ZNF138: variants seen among roughly 807,000 people sequenced by gnomAD.
ZNF138 encodes the protein zinc finger protein 138, also known as zinc finger protein 138 (clone pHZ-32).
A neutral mutation model predicts 33.0 loss-of-function variants in ZNF138; 33 were observed. The ratio of observed to expected loss-of-function variants is 1.00; its 90% CI spans 0.76 to 1.34. The LOEUF is 1.34. Among genes scored for constraint, ZNF138 ranks in the 40% most tolerant of loss-of-function variants. ZNF138 has a pLI of 0.00. For synonymous variants in ZNF138, 139 were observed against 120.4 expected (o/e 1.15, Z -1.01); for missense variants, 360 against 370.8 (o/e 0.97, Z 0.24).
the ZNF138 span, among the ~76,000 whole-genome samples, chr7:64,860,531 A>G: frequency 1.3e-5 from 2 of 152,254 alleles, no homozygotes; most frequent in Non-Finnish European, 2.9e-5. Context: ...CAATAATGAT[A>G]TGAACATAAA....
intron 1 of ZNF138, among the ~76,000 whole-genome samples, chr7:64,804,366 T>G (rs573959777): frequency 6.6e-6 from 1 of 152,154 alleles, no homozygotes; most frequent in Admixed American, 6.5e-5. Flanking sequence ...GATCACAGCC[T>G]TCTCATGTGG....
At chr7:64,852,517 C>G in the ZNF138 span, 1 of 1,573,746 alleles carries the variant, frequency 6.4e-7, no homozygotes, top group African/African-American at 1.4e-5. Context: ...TCCCAATAAT[C>G]CATGCTTGGT....
At position 64,815,493 on chromosome 7, in the gene ZNF138, T is replaced by C. The variant is rs561968116; in HGVS notation, c.131-83T>C. Reference sequence around the variant, plus strand: ...TATTACATTCTCTTTACTGAGCACATTACTAGGTTGGTAATTGGAGAATAT... The same window carrying C: ...TATTACATTCTCTTTACTGAGCACACTACTAGGTTGGTAATTGGAGAATAT... On this transcript the variant is annotated intron_variant, in intron 2 of 3. Coordinates refer to ENST00000307355, the MANE Select transcript of ZNF138 (RefSeq NM_001271639.2). 90 of 1,238,116 alleles carry C rather than the reference T, an allele frequency of 7.3e-5. 1 individual carries two copies. The African/African-American group carries it at 1.2e-3, about 16-fold the overall frequency. The allele number at this position is 1,238,116 out of a possible 1,614,324, so 76.7% of individuals were successfully genotyped here.
At chr7:64,827,247 G>A (rs1415751838) in intron 3 of ZNF138, among the ~76,000 whole-genome samples, 1 of 106,842 alleles carries the variant, frequency 9.4e-6, no homozygotes, top group Non-Finnish European at 1.8e-5. Context: ...TGGCCACCAT[G>A]AAACTTTTTT....
intron 3 of ZNF138, 33 bp from the exon 4 acceptor site, chr7:64,831,418 G>T: frequency 2.0e-6 from 3 of 1,484,052 alleles, no homozygotes; most frequent in Non-Finnish European, 2.7e-6. Flanking sequence ...AGTCTAGCAG[G>T]TGGAGTAATT....
intron 1 of ZNF138, among the ~76,000 whole-genome samples, chr7:64,798,848 A>T (rs1221210037): frequency 6.8e-6 from 1 of 147,446 alleles, no homozygotes; most frequent in Admixed American, 6.8e-5. Context: ...AGATGGTCAG[A>T]TGGTTGTAGA....
At chr7:64,798,439 T>G (rs1288384644) in intron 1 of ZNF138, among the ~76,000 whole-genome samples, 3 of 152,178 alleles carry the variant, frequency 2.0e-5, no homozygotes, top group Admixed American at 2.0e-4. Context: ...TTTTTTTAAA[T>G]ACAAAAAAGA....
At chr7:64,813,226 G>A (rs994046110) in intron 1 of ZNF138, among the ~76,000 whole-genome samples, 2 of 152,052 alleles carry the variant, frequency 1.3e-5, no homozygotes, top group Non-Finnish European at 2.9e-5. Flanking sequence ...ATGTAATCTT[G>A]AAGTTTCATC....
chr7:64,849,462 A>G, the ZNF138 span, among the ~76,000 whole-genome samples: 66,350 of 150,904 alleles, frequency 0.44, 14,737 homozygotes, highest in East Asian at 0.64. Context: ...CAGCTGTGGT[A>G]GTATAGGGAG....
At chr7:64,813,685 C>T (rs1053682283) in intron 1 of ZNF138, among the ~76,000 whole-genome samples, 4 of 152,198 alleles carry the variant, frequency 2.6e-5, no homozygotes, top group East Asian at 1.9e-4. Flanking sequence ...CCGCCTGCCT[C>T]GGCCTCCCAA....
chr7:64,830,204 G>A (rs1583896805), intron 3 of ZNF138, among the ~76,000 whole-genome samples: 1 of 152,100 alleles, frequency 6.6e-6, no homozygotes, highest in East Asian at 1.9e-4. Flanking sequence ...TCTTGTCTGT[G>A]ACTTTTTAAA....
At chr7:64,836,521 T>C (rs768935068), downstream of ZNF138, 1 of 147,922 alleles carries the variant, frequency 6.8e-6, no homozygotes, top group Non-Finnish European at 1.5e-5. Flanking sequence ...TCTGTGCTCA[T>C]ATAGTCCTCC....
chr7:64,811,307 TTAA>T lies in ZNF138; in HGVS notation c.4-3606_4-3604del, dbSNP rs536591432. Reference sequence around the variant, plus strand: ...AGTCCCTTCAGCACATAGTACCTGCTTAATAATCATTGCATTAGTACATGTGAA... The same window carrying T: ...AGTCCCTTCAGCACATAGTACCTGCTTAATCATTGCATTAGTACATGTGAA... On this transcript the variant is annotated intron_variant, in intron 1 of 3. Coordinates refer to ENST00000307355, the MANE Select transcript of ZNF138 (RefSeq NM_001271639.2). Among the ~76,000 whole-genome samples the T allele has an allele frequency of 9.9e-4, 151 of 152,346 alleles. 1 individual carries two copies. The highest frequency in any genetic ancestry group is 3.5e-3 in the African/African-American group (145 of 41,588).
intron 1 of ZNF138, among the ~76,000 whole-genome samples, chr7:64,805,814 GA>G (rs1192709760): frequency 6.6e-6 from 1 of 152,210 alleles, no homozygotes; most frequent in East Asian, 1.9e-4. Flanking sequence ...TTGTCATGAA[GA>G]TGTGAAAAGT....
At chr7:64,847,851 C>G in the ZNF138 span, among the ~76,000 whole-genome samples, 10 of 152,116 alleles carry the variant, frequency 6.6e-5, no homozygotes, top group African/African-American at 2.4e-4. Flanking sequence ...CATTTACTTT[C>G]AATGTTAGTA....
chr7:64,827,251 C>CTT (rs35317442), intron 3 of ZNF138, among the ~76,000 whole-genome samples: 128 of 144,650 alleles, frequency 8.8e-4, no homozygotes, highest in African/African-American at 1.2e-3. Flanking sequence ...CACCATGAAA[C>CTT]TTTTTTTTTT....
At chr7:64,837,440 GT>G (rs1461445942), downstream of ZNF138, among the ~76,000 whole-genome samples, 1 of 152,130 alleles carries the variant, frequency 6.6e-6, no homozygotes, top group Non-Finnish European at 1.5e-5. Flanking sequence ...ACAGGGTGAG[GT>G]AGGGCAGGTA....
At chr7:64,839,555 C>G in the ZNF138 span, among the ~76,000 whole-genome samples, 45 of 152,230 alleles carry the variant, frequency 3.0e-4, no homozygotes, top group Non-Finnish European at 4.6e-4. Flanking sequence ...GAAACTCTCC[C>G]TGGGTGTGCG....
At chr7:64,850,101 G>C in the ZNF138 span, among the ~76,000 whole-genome samples, 90 of 152,312 alleles carry the variant, frequency 5.9e-4, 1 homozygote, top group African/African-American at 2.1e-3. Flanking sequence ...CTTCCCAGAA[G>C]ACTCAGAGCC....
Sources: gnomAD v4.1 joint callset for allele counts (sites outside exome capture counted in the v4.1 genomes callset) on GRCh38, gnomAD v4.1.1 for gene constraint, MANE v1.5 for transcripts, NCBI Gene and HGNC (gene_info 2026-07-23, HGNC 2026-07-21) for gene names.